The following SDC3 variants were observed in gnomAD, a reference collection of about 807,000 sequenced individuals.
SDC3 encodes syndecan 3, also known as syndecan-3.
Under a neutral mutation model 24.4 loss-of-function variants are expected in SDC3, and 13 were observed. That is an observed-to-expected ratio of 0.53 (90% CI 0.35 to 0.85). The LOEUF (loss-of-function observed/expected upper bound fraction) is 0.85, where lower values mean the gene tolerates loss of function less well. Among genes scored for constraint, SDC3 ranks in the 40% least tolerant of loss-of-function variants. SDC3 has a pLI of 0.01. For synonymous variants in SDC3, 295 were observed against 260.9 expected, an observed-to-expected ratio of 1.13 and a Z score of -1.26; for missense variants, 571 against 584.5, an observed-to-expected ratio of 0.98 and a Z score of 0.24.
chr1:30,887,672 T>C (rs1557520123), intron 1 of SDC3, among the ~76,000 whole-genome samples: 1 of 152,192 alleles, frequency 6.6e-6, no homozygotes, highest in Non-Finnish European at 1.5e-5. Context: ...CCCCTCCAAT[T>C]GCTCCTGGTG....
At chr1:30,901,416 C>A (rs1046163508) in intron 1 of SDC3, among the ~76,000 whole-genome samples, 5 of 152,216 alleles carry the variant, frequency 3.3e-5, no homozygotes, top group African/African-American at 1.2e-4. Context: ...AAATGGAAAG[C>A]ACCCAGTCTC....
At chr1:30,883,412 G>A (rs1013255980) in intron 1 of SDC3, among the ~76,000 whole-genome samples, 1 of 152,186 alleles carries the variant, frequency 6.6e-6, no homozygotes, top group East Asian at 1.9e-4. Context: ...GACCAGAGGC[G>A]ACATGAGCAA....
chr1:30,891,576 C>G (rs1400245684), intron 1 of SDC3, among the ~76,000 whole-genome samples: 1 of 152,190 alleles, frequency 6.6e-6, no homozygotes, highest in Non-Finnish European at 1.5e-5. Flanking sequence ...GATCTCTCAG[C>G]CATTAAGAAG....
intron 4 of SDC3, among the ~76,000 whole-genome samples, chr1:30,873,937 A>C (rs1456606143): frequency 6.6e-6 from 1 of 152,002 alleles, no homozygotes; most frequent in South Asian, 2.1e-4. Context: ...AAAACTGGGG[A>C]AGGTCAAGCT....
intron 1 of SDC3, among the ~76,000 whole-genome samples, chr1:30,887,985 G>A (rs1383339469): frequency 6.6e-6 from 1 of 152,244 alleles, no homozygotes; most frequent in African/African-American, 2.4e-5. Flanking sequence ...AACAGACACT[G>A]ATCCCAGCAT....
At chr1:30,878,786 C>CA (rs747392287) in intron 1 of SDC3, 46 bp from the exon 2 acceptor site, 11 of 1,544,438 alleles carry the variant, frequency 7.1e-6, no homozygotes, top group South Asian at 2.2e-5. Context: ...CCGAGACTGG[C>CA]AGCCTGGGTG....
At chr1:30,884,543 C>T (rs1203544630) in intron 1 of SDC3, among the ~76,000 whole-genome samples, 2 of 152,112 alleles carry the variant, frequency 1.3e-5, no homozygotes, top group Non-Finnish European at 2.9e-5. Context: ...CCTGTGTTCC[C>T]ACCATCCCCC....
chr1:30,893,598 C>T (rs1445250246), intron 1 of SDC3, among the ~76,000 whole-genome samples: 1 of 152,068 alleles, frequency 6.6e-6, no homozygotes, highest in African/African-American at 2.4e-5. Flanking sequence ...CTCAGGGCCC[C>T]AACTTCAACA....
At chr1:30,902,774 CG>C in intron 1 of SDC3, among the ~76,000 whole-genome samples, 1 of 152,304 alleles carries the variant, frequency 6.6e-6, no homozygotes, top group East Asian at 1.9e-4. Context: ...ACTGAAGGCC[CG>C]CCCGATGCAG....
intron 1 of SDC3, among the ~76,000 whole-genome samples, chr1:30,890,448 A>T (rs1469667589): frequency 6.6e-6 from 1 of 152,256 alleles, no homozygotes; most frequent in East Asian, 1.9e-4. Flanking sequence ...AGGCAAATCC[A>T]TACAGACAGA....
At chr1:30,874,206 T>G in intron 4 of SDC3, 91 bp downstream of exon 4, 1 of 1,088,242 alleles carries the variant, frequency 9.2e-7, no homozygotes, top group Non-Finnish European at 1.3e-6. Context: ...CTGATCTCCT[T>G]TCTGGGTTCC....
intron 1 of SDC3, among the ~76,000 whole-genome samples, chr1:30,901,660 C>T (rs1358070661): frequency 6.6e-6 from 1 of 152,064 alleles, no homozygotes; most frequent in Non-Finnish European, 1.5e-5. Flanking sequence ...GGTACCCCCA[C>T]CCCCAGAGTT....
intron 1 of SDC3, among the ~76,000 whole-genome samples, chr1:30,906,519 C>G (rs966133930): frequency 3.1e-4 from 47 of 152,318 alleles, no homozygotes; most frequent in African/African-American, 1.1e-3. Context: ...CCTTATTCAG[C>G]AAGGAAAGTG....
At chr1:30,894,696 GA>G (rs1639975640) in intron 1 of SDC3, among the ~76,000 whole-genome samples, 1 of 134,904 alleles carries the variant, frequency 7.4e-6, no homozygotes, top group Non-Finnish European at 1.6e-5. Context: ...GTGTGGGTGA[GA>G]GTGTGTGGGT....
intron 4 of SDC3, 51 bp from the exon 5 acceptor site, chr1:30,873,428 G>A (rs757927824): frequency 2.7e-6 from 4 of 1,463,258 alleles, no homozygotes; most frequent in South Asian, 2.4e-5. Flanking sequence ...GTAGAACCAG[G>A]GCAAAGGGTC....
intron 2 of SDC3, chr1:30,877,413 T>G: frequency 1.6e-6 from 1 of 611,880 alleles, no homozygotes; most frequent in South Asian, 2.0e-5. Flanking sequence ...AAGCCTTCCT[T>G]GACTATTCCT....
intron 1 of SDC3, among the ~76,000 whole-genome samples, chr1:30,908,043 C>T (rs1638563168): frequency 6.6e-6 from 1 of 152,200 alleles, no homozygotes; most frequent in Non-Finnish European, 1.5e-5. Context: ...CTCGCGCCTC[C>T]CAGGCCAGCG....
rs11338317 is a variant in SDC3, at chr1:30,869,536, C to CAAAAAAAAAAAA, written c.*3663_*3674dup. ...AGGAAGTGTTAAAAAAACAAACAAA[C>CAAAAAAAAAAAA]AAAAAAAAAAAAAAAAAAAAAAAAA... On this transcript the variant is annotated 3_prime_UTR_variant, in exon 5 of 5. Coordinates refer to ENST00000339394, the MANE Select transcript of SDC3 (RefSeq NM_014654.4). 6.4e-4 allele frequency: 224 copies of CAAAAAAAAAAAA among 347,568 alleles called. No individual in the cohort carries two copies. The highest frequency in any genetic ancestry group is 9.4e-4 in the African/African-American group (36 of 38,392). The allele number at this position is 347,568 out of a possible 1,614,324, so 21.5% of individuals were successfully genotyped here.
rs1317417687 is a variant in SDC3, at chr1:30,876,943, G to C, written c.479C>G (p.Ser160Cys). The change falls in exon 3 of 5, where the codon TCC becomes TGC. Residue 160 changes from serine (S) to cysteine (C), a missense_variant. Physicochemically the swap from Ser to Cys is moderately radical, Grantham distance 112. Coordinates refer to ENST00000339394, the MANE Select transcript of SDC3 (RefSeq NM_014654.4). ...GGCAGCAGTGGTAGCCATGGTAGTG[G>C]AGACGGTGGTGGCTCTCTGGCTGGG... ...EEPSQRATTV[S>C]TTMATTAATS... 1 of 1,613,828 alleles carries C rather than the reference G, an allele frequency of 6.2e-7. No homozygotes were observed. The highest frequency in any genetic ancestry group is 1.1e-5 in the South Asian group (1 of 91,080).
Sources: gnomAD v4.1 joint callset for allele counts (sites outside exome capture counted in the v4.1 genomes callset) on GRCh38, gnomAD v4.1.1 for gene constraint, MANE v1.5 for transcripts, NCBI Gene and HGNC (gene_info 2026-07-23, HGNC 2026-07-21) for gene names.